Variants in SMOC1 observed in about 807,000 individuals in gnomAD.
SMOC1 encodes the protein SPARC-related modular calcium-binding protein 1.
In SMOC1, 22 loss-of-function variants were observed where a neutral mutation model predicts 56.3. The ratio of observed to expected loss-of-function variants is 0.39; its 90% CI spans 0.28 to 0.56. The LOEUF is 0.56. Among genes scored for constraint, SMOC1 ranks in the 20% least tolerant of loss-of-function variants. The pLI is 0.61. For synonymous variants in SMOC1, 193 were observed against 215.0 expected (o/e 0.90, Z 0.89); for missense variants, 509 against 565.4 (o/e 0.90, Z 1.01).
rs879050287 is a variant in SMOC1, at chr14:69,927,727, A to T, written c.100-24411A>T. ...AGGGAAACTTCCGAGGAGGGGCAGG[A>T]TTGCTTGGGGGTGGAGACACTTCTC... is the stretch of plus-strand genomic sequence containing the variant. On this transcript the variant is annotated intron_variant, in intron 1 of 11. Coordinates refer to ENST00000361956, the MANE Select transcript of SMOC1 (RefSeq NM_001034852.3). 3.9e-5 allele frequency among the ~76,000 whole-genome samples: 6 copies of T among 152,108 alleles called. No individual in the cohort carries two copies. The East Asian group carries it at 9.6e-4, about 24-fold the overall frequency.
intron 1 of SMOC1, among the ~76,000 whole-genome samples, chr14:69,890,524 C>A (rs542697270): frequency 3.0e-4 from 46 of 152,120 alleles, no homozygotes; most frequent in African/African-American, 1.0e-3. Flanking sequence ...AATCTTAGAG[C>A]AAAATAATAA....
chr14:70,023,431 G>C lies in SMOC1; in HGVS notation c.1275G>C (p.Leu425=), dbSNP rs1052105672. Reference sequence around the variant, plus strand: ...CACTGCCTGAGCTGAAGGGCTGCCTGGGTGTTAGCAAAGAAGGTGAGTGCT... The same window carrying C: ...CACTGCCTGAGCTGAAGGGCTGCCTCGGTGTTAGCAAAGAAGGTGAGTGCT... The part of the protein sequence containing the change: ...VISLPELKGC[L]GVSKEVGRLV Residue 425 remains leucine, a synonymous_variant, in exon 11 of 12, where the codon CTG becomes CTC. Transcript: ENST00000361956. 6.2e-7 allele frequency: 1 copy of C among 1,613,822 alleles called. No homozygotes were observed. The highest frequency in any genetic ancestry group is 8.5e-7 in the Non-Finnish European group (1 of 1,180,040).
At chr14:69,961,855 ATTT>A (rs1883393713) in intron 3 of SMOC1, among the ~76,000 whole-genome samples, 1 of 152,140 alleles carries the variant, frequency 6.6e-6, no homozygotes, top group Non-Finnish European at 1.5e-5. Context: ...TAGCTGAACC[ATTT>A]TACATTCCCA....
chr14:70,011,987 G>C (rs924608224), intron 9 of SMOC1, among the ~76,000 whole-genome samples: 1 of 152,200 alleles, frequency 6.6e-6, no homozygotes, highest in African/African-American at 2.4e-5. Flanking sequence ...GACACAGGAC[G>C]ACCATGGAGT....
intron 1 of SMOC1, among the ~76,000 whole-genome samples, chr14:69,881,779 C>CAAT (rs1883647226): frequency 6.6e-6 from 1 of 152,126 alleles, no homozygotes; most frequent in South Asian, 2.1e-4. Flanking sequence ...TTATAGATAA[C>CAAT]AATAAGAGCT....
chr14:69,928,806 T>C (rs1226274446), intron 1 of SMOC1, among the ~76,000 whole-genome samples: 1 of 152,216 alleles, frequency 6.6e-6, no homozygotes, highest in Non-Finnish European at 1.5e-5. Flanking sequence ...CCTGAATAGT[T>C]AAAGCATGCG....
intron 1 of SMOC1, among the ~76,000 whole-genome samples, chr14:69,934,322 C>T (rs762717483): frequency 2.0e-5 from 3 of 152,224 alleles, no homozygotes; most frequent in Non-Finnish European, 4.4e-5. Flanking sequence ...GGCTTTGACA[C>T]TGAGTTAGTC....
Position 70,031,676 on chromosome 14 carries a change from G to C in SMOC1, c.*1418G>C, listed in dbSNP as rs1018756054. ...CACAGGCATCTTCCGCGGATTCTAGGGTGGGCTGCCCAGCCTTCTGGTCTG... is the reference window on the plus strand; with the variant it reads ...CACAGGCATCTTCCGCGGATTCTAGCGTGGGCTGCCCAGCCTTCTGGTCTG... On this transcript the variant is annotated 3_prime_UTR_variant, in exon 12 of 12. Transcript: ENST00000361956. The C allele has an allele frequency of 1.3e-5, 2 of 152,286 alleles. No homozygotes were observed. The highest frequency in any genetic ancestry group is 2.9e-5 in the Non-Finnish European group (2 of 68,118). 9.4% of individuals were successfully genotyped at this position (152,286 alleles called of 1,614,324 possible). A position where few individuals can be genotyped will look rare whatever the true frequency, so the allele number is the denominator to read the frequency against.
chr14:70,028,678 CA>C (rs1566717104), intron 11 of SMOC1, among the ~76,000 whole-genome samples: 1 of 152,140 alleles, frequency 6.6e-6, no homozygotes, highest in African/African-American at 2.4e-5. Context: ...TTCTACTCAG[CA>C]AGGAGAGAAG....
chr14:69,975,731 A>T lies in SMOC1; in HGVS notation c.395A>T (p.Tyr132Phe). 1 of 1,612,908 alleles carries T rather than the reference A, an allele frequency of 6.2e-7. No individual in the cohort carries two copies. The highest frequency in any genetic ancestry group is 8.5e-7 in the Non-Finnish European group (1 of 1,179,778). ...CCTGAACAGGTGCAGTGCCATACTT[A>T]CACTGGGTACTGCTGGTGTGTCACC... ...GSFTQVQCHT[Y>F]TGYCWCVTPD... Residue 132 changes from tyrosine to phenylalanine, a missense_variant, in exon 4 of 12, where the codon TAC becomes TTC. Around this residue, in one of 3 missense-constraint regions of SMOC1, gnomAD observed 315 missense variants for 333.1 expected, o/e 0.95. Coordinates refer to ENST00000361956, the MANE Select transcript of SMOC1 (RefSeq NM_001034852.3).
chr14:69,998,211 T>C (rs183019980), intron 7 of SMOC1, among the ~76,000 whole-genome samples: 214 of 152,352 alleles, frequency 1.4e-3, no homozygotes, highest in African/African-American at 4.9e-3. Flanking sequence ...AGGTTCAGCA[T>C]TGACAGATTT....
chr14:70,014,591 G>A (rs1487847845), intron 10 of SMOC1, among the ~76,000 whole-genome samples: 2 of 152,274 alleles, frequency 1.3e-5, no homozygotes, highest in South Asian at 2.1e-4. Context: ...CTCAGATCCC[G>A]AAAGTCCTGT....
intron 1 of SMOC1, among the ~76,000 whole-genome samples, chr14:69,951,552 A>G (rs1227913501): frequency 6.6e-6 from 1 of 152,226 alleles, no homozygotes; most frequent in African/African-American, 2.4e-5. Context: ...GTATTCTGCC[A>G]GAGAGAGGTG....
rs554713720 is a variant in SMOC1 at position 69,935,593 on chromosome 14, G to A, written c.100-16545G>A. Among the ~76,000 whole-genome samples the A allele has an allele frequency of 7.9e-5, 12 of 152,324 alleles. No individual in the cohort carries two copies. In the South Asian group the frequency reaches 1.9e-3, roughly 24 times the overall value. Reference sequence around the variant, plus strand: ...TGTTTTTCTGGATCAGGTCAGGAACGGAATTGCCTTTTAAAGAGACACCTG... The same window carrying A: ...TGTTTTTCTGGATCAGGTCAGGAACAGAATTGCCTTTTAAAGAGACACCTG... On this transcript the variant is annotated intron_variant, in intron 1 of 11. Coordinates refer to ENST00000361956, the MANE Select transcript of SMOC1 (RefSeq NM_001034852.3).
chr14:69,923,108 C>A (rs1054553177), intron 1 of SMOC1, among the ~76,000 whole-genome samples: 1 of 152,028 alleles, frequency 6.6e-6, no homozygotes, highest in African/African-American at 2.4e-5. Flanking sequence ...CTACACCCGG[C>A]TAATTTTTTG....
chr14:69,906,874 G>T lies in SMOC1; in HGVS notation c.99+27097G>T, dbSNP rs148825983. Among the ~76,000 whole-genome samples, 611 of 152,276 alleles carry T rather than the reference G, an allele frequency of 4.0e-3. 8 individuals are homozygous for T. The highest frequency in any genetic ancestry group is 0.014 in the African/African-American group (590 of 41,560). On this transcript the variant is annotated intron_variant, in intron 1 of 11. Transcript: ENST00000361956. The stretch of plus-strand genomic sequence containing the variant: ...GGAGTGTGGGCCACTTTTTCAATAA[G>T]CTTGGCCATGAAACAAGGGACAGAA...
At chr14:69,885,196 A>G (rs1459484469) in intron 1 of SMOC1, 3 of 540,832 alleles carry the variant, frequency 5.5e-6, no homozygotes, top group Non-Finnish European at 9.5e-6. Context: ...TTCCAACATT[A>G]CTCTCTAGGA....
At chr14:69,992,126 G>A (rs2047385013) in intron 5 of SMOC1, among the ~76,000 whole-genome samples, 1 of 152,106 alleles carries the variant, frequency 6.6e-6, no homozygotes, top group African/African-American at 2.4e-5. Context: ...GAGTCATACT[G>A]GTATCCTCAG....
intron 1 of SMOC1, among the ~76,000 whole-genome samples, chr14:69,947,985 C>T (rs1164456162): frequency 6.6e-6 from 1 of 152,192 alleles, no homozygotes; most frequent in Non-Finnish European, 1.5e-5. Context: ...TGCTCCTTGT[C>T]TCCACCCTAA....
Sources: gnomAD v4.1 joint callset for allele counts (sites outside exome capture counted in the v4.1 genomes callset) on GRCh38, gnomAD v4.1.1 for gene constraint, gnomAD v4.1.1 regional missense constraint, MANE v1.5 for transcripts, NCBI Gene and HGNC (gene_info 2026-07-23, HGNC 2026-07-21) for gene names.